The following ARHGEF28 variants were observed in gnomAD, a reference collection of about 807,000 sequenced individuals.
The protein encoded by ARHGEF28 is Rho guanine nucleotide exchange factor 28, also known as 190 kDa guanine nucleotide exchange factor.
A neutral mutation model predicts 206.6 loss-of-function variants in ARHGEF28; 152 were observed. That is an observed-to-expected ratio of 0.74 (90% CI 0.64 to 0.84). The LOEUF is 0.84. Among genes scored for constraint, ARHGEF28 ranks in the 40% least tolerant of loss-of-function variants. The pLI is 0.00. For missense variants in ARHGEF28, 2,028 were observed against 2,073.2 expected (o/e 0.98, Z 0.42); for synonymous variants, 763 against 776.4 (o/e 0.98, Z 0.29).
intron 9 of ARHGEF28, among the ~76,000 whole-genome samples, chr5:73,807,080 C>T (rs1294857932): frequency 7.4e-6 from 1 of 134,398 alleles, no homozygotes; most frequent in African/African-American, 2.8e-5. Flanking sequence ...TGGAATGTAA[C>T]ATTATCGGAT....
Position 73,780,728 on chromosome 5 carries a change from G to A in ARHGEF28, c.893G>A (p.Gly298Asp). The change falls in exon 7 of 36, where the codon GGT becomes GAT. Residue 298 changes from glycine (G) to aspartate (D), a missense_variant. This residue lies in a region of ARHGEF28 where 1,002 missense variants were observed against 1,015.3 expected (regional missense o/e 0.99). Coordinates refer to ENST00000513042, the MANE Select transcript of ARHGEF28 (RefSeq NM_001177693.2). Reference sequence around the variant, plus strand: ...GAAAGAACAGCTATGCCCTCCAGCGGTGCAGAAACTGAAGAAGGTACGCAT... The same window carrying A: ...GAAAGAACAGCTATGCCCTCCAGCGATGCAGAAACTGAAGAAGGTACGCAT... ...PEERTAMPSS[G>D]AETEEEIKNS... is the part of the protein sequence containing the mutation. 1 of 1,558,760 alleles carries A rather than the reference G, an allele frequency of 6.4e-7. No homozygotes were observed. The highest frequency in any genetic ancestry group is 8.7e-7 in the Non-Finnish European group (1 of 1,150,996).
In ARHGEF28 at chr5:73,846,358, C is replaced by T; in HGVS notation, c.1518C>T (p.Ser506=). The part of the protein sequence containing the change: ...HICYTPGSQS[S]SRTGIPSGDE... ...GTTACACTCCAGGGTCTCAGAGCTC[C>T]TCAAGAACTGGGATTCCTAGTGGGG... The change falls in exon 12 of 36, where the codon TCC becomes TCT. Residue 506 remains serine, a synonymous_variant. Coordinates refer to ENST00000513042, the MANE Select transcript of ARHGEF28 (RefSeq NM_001177693.2). 1 of 1,613,908 alleles carries T rather than the reference C, an allele frequency of 6.2e-7. No homozygotes were observed. Among genetic ancestry groups the T allele is most frequent in the Non-Finnish European group, 8.5e-7 (1 of 1,179,834 alleles).
rs571134198 is a variant in ARHGEF28, at chr5:73,924,968, C to T, written c.4948+13393C>T. Among the ~76,000 whole-genome samples, 183 of 152,314 alleles carry T rather than the reference C, an allele frequency of 1.2e-3. 1 individual carries two copies. The highest frequency in any genetic ancestry group is 6.8e-3 in the Middle Eastern group (2 of 294). On this transcript the variant is annotated intron_variant, in intron 35 of 35. Transcript: ENST00000513042. ...CGGCATACCCTTCAAAGACATTTTT[C>T]CTCCCTTTGGAACAGTTGAAATTCA... is the stretch of plus-strand genomic sequence containing the variant.
At chr5:73,851,548 A>T (rs1758706524) in intron 13 of ARHGEF28, among the ~76,000 whole-genome samples, 1 of 152,210 alleles carries the variant, frequency 6.6e-6, no homozygotes, top group Non-Finnish European at 1.5e-5. Context: ...TATTAAAATG[A>T]TAACTACAGT....
chr5:73,849,257 A>C, intron 13 of ARHGEF28, 170 bp downstream of exon 13: 1 of 555,222 alleles, frequency 1.8e-6, no homozygotes, highest in Non-Finnish European at 3.1e-6. Flanking sequence ...GATAACAGCC[A>C]AATTTGATTT....
chr5:73,660,838 A>G (rs1228710773), intron 1 of ARHGEF28, among the ~76,000 whole-genome samples: 6 of 152,158 alleles, frequency 3.9e-5, no homozygotes, highest in Non-Finnish European at 8.8e-5. Context: ...CTGTAGGAAG[A>G]TGTACTGTCA....
chr5:73,786,662 C>T (rs1754179585), intron 7 of ARHGEF28, among the ~76,000 whole-genome samples: 4 of 152,074 alleles, frequency 2.6e-5, no homozygotes, highest in Admixed American at 6.6e-5. Context: ...AGTGATTAGG[C>T]TGTTTGCTTT....
intron 16 of ARHGEF28, 122 bp downstream of exon 16, chr5:73,858,341 G>T: frequency 4.7e-6 from 6 of 1,272,666 alleles, no homozygotes; most frequent in Non-Finnish European, 6.3e-6. Context: ...TGACTGAACC[G>T]TTTACCAAGC....
intron 4 of ARHGEF28, among the ~76,000 whole-genome samples, chr5:73,758,528 A>G (rs1752431419): frequency 6.6e-6 from 1 of 151,882 alleles, no homozygotes; most frequent in South Asian, 2.1e-4. Flanking sequence ...TATCCATCAT[A>G]AAAACATAAC....
chr5:73,863,261 T>C (rs551352421), intron 16 of ARHGEF28: 2 of 152,334 alleles, frequency 1.3e-5, no homozygotes, highest in Non-Finnish European at 2.9e-5. Context: ...ACTTTTGATG[T>C]GTCCTTTTGG....
At chr5:73,698,139 A>G (rs1437733574) in intron 2 of ARHGEF28, among the ~76,000 whole-genome samples, 1 of 152,186 alleles carries the variant, frequency 6.6e-6, no homozygotes, top group Non-Finnish European at 1.5e-5. Context: ...TAACATTTCC[A>G]ATTCAGATTC....
At chr5:73,701,339 T>A (rs1411230099) in intron 2 of ARHGEF28, among the ~76,000 whole-genome samples, 1 of 151,458 alleles carries the variant, frequency 6.6e-6, no homozygotes, top group Non-Finnish European at 1.5e-5. Flanking sequence ...CAATAGGGAG[T>A]TTTCCCCCAG....
chr5:73,881,036 GGT>G (rs1491164844), intron 22 of ARHGEF28, among the ~76,000 whole-genome samples: 1 of 92,384 alleles, frequency 1.1e-5, no homozygotes, highest in Non-Finnish European at 2.1e-5. Context: ...GTTAAGTTCA[GGT>G]TTTTTTTTTT....
At chr5:73,894,273 CTGGGTTTTCTCT>C in intron 28 of ARHGEF28, 108 bp from the exon 29 acceptor site, 1 of 1,004,430 alleles carries the variant, frequency 1.0e-6, no homozygotes, top group Non-Finnish European at 1.4e-6. Flanking sequence ...ACTCATCAAC[CTGGGTTTTCTCT>C]TGGAGGTCTT....
At chr5:73,635,946 T>A (rs1743688996) in intron 1 of ARHGEF28, among the ~76,000 whole-genome samples, 1 of 152,204 alleles carries the variant, frequency 6.6e-6, no homozygotes, top group South Asian at 2.1e-4. Flanking sequence ...AGTTCTATGT[T>A]TCCTGACATA....
intron 2 of ARHGEF28, among the ~76,000 whole-genome samples, chr5:73,695,992 A>C (rs1407298365): frequency 6.6e-6 from 1 of 152,170 alleles, no homozygotes; most frequent in African/African-American, 2.4e-5. Context: ...TAGGAATGGG[A>C]TGCAATATGG....
At chr5:73,700,925 C>G (rs1475521676) in intron 2 of ARHGEF28, among the ~76,000 whole-genome samples, 1 of 152,128 alleles carries the variant, frequency 6.6e-6, no homozygotes, top group Non-Finnish European at 1.5e-5. Flanking sequence ...GTTAGTGGAA[C>G]AAAATGAGTT....
intron 2 of ARHGEF28, among the ~76,000 whole-genome samples, chr5:73,709,814 C>T (rs114992878): frequency 0.027 from 4,105 of 152,272 alleles, 184 homozygotes; most frequent in African/African-American, 0.093. Context: ...CGCATTCTTT[C>T]GGCCTCCAAC....
intron 9 of ARHGEF28, chr5:73,813,770 C>T (rs996557004): frequency 5.1e-6 from 7 of 1,362,124 alleles, no homozygotes; most frequent in Non-Finnish European, 5.0e-6. Context: ...TCCAATGTAG[C>T]GCGTGTTTAT....
Sources: allele counts gnomAD v4.1 joint callset (sites outside exome capture counted in the v4.1 genomes callset), GRCh38; gene constraint gnomAD v4.1.1; regional missense constraint gnomAD v4.1.1; transcripts MANE v1.5; gene names NCBI Gene and HGNC (gene_info 2026-07-23, HGNC 2026-07-21).